OR3A2: variants seen among roughly 807,000 people sequenced by gnomAD.
OR3A2 encodes olfactory receptor family 3 subfamily A member 2.
For missense variants in OR3A2, 318 were observed against 392.8 expected (o/e 0.81, Z 1.61); for synonymous variants, 126 against 159.3 (o/e 0.79, Z 1.57).
chr17:3,278,477 C>A (rs368789903), exon 2 of OR3A2: 2 of 1,614,130 alleles, frequency 1.2e-6, no homozygotes, highest in Non-Finnish European at 1.7e-6. Context: ...ACGCAGCCAC[C>A]AACATCCTCT....
chr17:3,315,149 T>C (rs538146199), intron 3 of OR3A2, among the ~76,000 whole-genome samples: 1 of 152,294 alleles, frequency 6.6e-6, no homozygotes, highest in African/African-American at 2.4e-5. Flanking sequence ...AGTAAACATA[T>C]AAGTGCGTGT....
intron 3 of OR3A2, among the ~76,000 whole-genome samples, chr17:3,321,036 G>A (rs1163803533): frequency 2.0e-5 from 3 of 152,070 alleles, no homozygotes; most frequent in Admixed American, 6.6e-5. Context: ...CCATTTCTTT[G>A]TATCCTCTTT....
chr17:3,360,521 G>C lies in OR3A2; in HGVS notation c.-179+23283C>G, dbSNP rs1269478450. On this transcript the variant is annotated intron_variant, in intron 2 of 4. Transcript: ENST00000573491. ...CCTATGTCCTGAATGGTATTGCATA[G>C]GTTTTCTTCTAGGGTTTTTATGGTT... 2.6e-5 allele frequency among the ~76,000 whole-genome samples: 4 copies of C among 151,798 alleles called. No homozygotes were observed. The East Asian group carries it at 5.8e-4, about 22-fold the overall frequency.
Position 3,298,960 on chromosome 17 carries a change from C to T in OR3A2, c.-84-19807G>A, listed in dbSNP as rs183822662. Among the ~76,000 whole-genome samples the T allele has an allele frequency of 2.2e-4, 34 of 152,288 alleles. No individual in the cohort carries two copies. In the East Asian group the frequency reaches 6.4e-3, roughly 29 times the overall value. On this transcript the variant is annotated intron_variant, in intron 3 of 4. Coordinates refer to the OR3A2 transcript ENST00000573491. Reference sequence around the variant, plus strand: ...GCCACAGAGCAATAAACAACCCAAGCTTTTAATGAACCCAATAATGATGCC... The same window carrying T: ...GCCACAGAGCAATAAACAACCCAAGTTTTTAATGAACCCAATAATGATGCC...
At chr17:3,373,818 A>G (rs1312107915) in intron 2 of OR3A2, among the ~76,000 whole-genome samples, 1 of 152,096 alleles carries the variant, frequency 6.6e-6, no homozygotes, top group Non-Finnish European at 1.5e-5. Flanking sequence ...GATGTGAGGT[A>G]GTGTTCTGTT....
At chr17:3,337,017 T>G (rs1021804215) in intron 2 of OR3A2, among the ~76,000 whole-genome samples, 3 of 152,170 alleles carry the variant, frequency 2.0e-5, no homozygotes, top group Non-Finnish European at 2.9e-5. Context: ...TGCACATGGG[T>G]TCCGATATCT....
At chr17:3,371,301 C>G (rs1177247799) in intron 2 of OR3A2, among the ~76,000 whole-genome samples, 2 of 151,366 alleles carry the variant, frequency 1.3e-5, no homozygotes, top group Non-Finnish European at 3.0e-5. Flanking sequence ...AGGGGCTCCT[C>G]ACTTCCCAGT....
At chr17:3,291,568 G>C in intron 3 of OR3A2, 1 of 1,336,342 alleles carries the variant, frequency 7.5e-7, no homozygotes, top group Non-Finnish European at 1.0e-6. Flanking sequence ...TTTTTTCCTA[G>C]TTTCTGGCTC....
chr17:3,277,868 A>T, exon 2 of OR3A2: 1 of 1,235,550 alleles, frequency 8.1e-7, no homozygotes, highest in South Asian at 1.5e-5. Context: ...AAGCATCAGG[A>T]GATAGGAAAA....
chr17:3,332,700 C>T (rs933186890), intron 3 of OR3A2, among the ~76,000 whole-genome samples: 2 of 152,240 alleles, frequency 1.3e-5, no homozygotes, highest in Non-Finnish European at 2.9e-5. Context: ...CAGAGCTGTT[C>T]CTATTCGGCC....
At chr17:3,309,962 C>G (rs545149989) in intron 3 of OR3A2, 2 of 218,164 alleles carry the variant, frequency 9.2e-6, no homozygotes, top group Admixed American at 5.2e-5. Context: ...ATGCCACCAT[C>G]TGTAGACTTG....
intron 2 of OR3A2, among the ~76,000 whole-genome samples, chr17:3,339,757 G>T (rs192526619): frequency 6.6e-6 from 1 of 152,218 alleles, no homozygotes; most frequent in Non-Finnish European, 1.5e-5. Context: ...TCTCTACCAG[G>T]CTTTGGAATC....
At chr17:3,302,434 A>G (rs142639946) in intron 3 of OR3A2, among the ~76,000 whole-genome samples, 1 of 152,186 alleles carries the variant, frequency 6.6e-6, no homozygotes, top group Non-Finnish European at 1.5e-5. Flanking sequence ...CTCAGAAATA[A>G]TACCACACAT....
Position 3,364,860 on chromosome 17 carries a change from A to C in OR3A2, c.-179+18944T>G, listed in dbSNP as rs151241547. ...TCAACTAAAGTGCCCATCAGTGGGG[A>C]AATTATATGTGCATTTTAAATACTT... On this transcript the variant is annotated intron_variant, in intron 2 of 4. Transcript: ENST00000573491. Among the ~76,000 whole-genome samples the C allele has an allele frequency of 3.8e-4, 58 of 152,304 alleles. 1 individual carries two copies. In the East Asian group the frequency reaches 0.011, roughly 28 times the overall value.
intron 3 of OR3A2, among the ~76,000 whole-genome samples, chr17:3,326,176 T>G (rs1006289494): frequency 6.6e-6 from 1 of 152,102 alleles, no homozygotes; most frequent in Non-Finnish European, 1.5e-5. Flanking sequence ...ACATTTTCTT[T>G]ATCCAGTCTA....
chr17:3,364,655 T>C (rs1042695616), intron 2 of OR3A2, among the ~76,000 whole-genome samples: 11 of 152,228 alleles, frequency 7.2e-5, no homozygotes, highest in African/African-American at 2.4e-4. Context: ...TTGTATGCTA[T>C]TGGTAGAAAT....
chr17:3,379,969 G>A (rs1857607715), intron 2 of OR3A2, among the ~76,000 whole-genome samples: 1 of 152,150 alleles, frequency 6.6e-6, no homozygotes, highest in Non-Finnish European at 1.5e-5. Flanking sequence ...GAGGACTGAG[G>A]AGTCCTCAAG....
chr17:3,284,273 T>C (rs998097751), intron 1 of OR3A2, 85 bp downstream of exon 3: 5 of 151,756 alleles, frequency 3.3e-5, no homozygotes, highest in Non-Finnish European at 7.4e-5. Context: ...GGGGCATCCA[T>C]CGCACCAGGC....
chr17:3,367,797 A>C (rs2049577443), intron 2 of OR3A2, among the ~76,000 whole-genome samples: 1 of 151,850 alleles, frequency 6.6e-6, no homozygotes, highest in African/African-American at 2.4e-5. Flanking sequence ...TGGCAGTTCT[A>C]CTTTTAGCTC....
Sources: gnomAD v4.1 joint callset for allele counts (sites outside exome capture counted in the v4.1 genomes callset) on GRCh38, gnomAD v4.1.1 for gene constraint, MANE v1.5 for transcripts, NCBI Gene and HGNC (gene_info 2026-07-23, HGNC 2026-07-21) for gene names.